The following TRIM2 variants were observed in gnomAD, a reference collection of about 807,000 sequenced individuals.
TRIM2 encodes tripartite motif-containing protein 2.
In TRIM2, 20 loss-of-function variants were observed where a neutral mutation model predicts 75.2. The ratio of observed to expected loss-of-function variants is 0.27; its 90% CI spans 0.19 to 0.39. The LOEUF is 0.39. Ranked by LOEUF, TRIM2 falls within the 10% of genes least tolerant of loss-of-function variation. The pLI, the probability that TRIM2 is intolerant of heterozygous loss-of-function variation, is 1.00. For synonymous variants in TRIM2, 373 were observed against 388.3 expected (o/e 0.96, Z 0.46); for missense variants, 660 against 990.8 (o/e 0.67, Z 4.48).
chr4:153,154,320 G>A (rs1443455237), intron 1 of TRIM2, among the ~76,000 whole-genome samples: 1 of 152,162 alleles, frequency 6.6e-6, no homozygotes, highest in African/African-American at 2.4e-5. Flanking sequence ...TGGCCTCCAC[G>A]GTCAGGGGCT....
chr4:153,244,381 CTTCTTCTTCTTCTTCT>C (rs1748206962), intron 1 of TRIM2, among the ~76,000 whole-genome samples: 1 of 67,764 alleles, frequency 1.5e-5, no homozygotes, highest in South Asian at 4.5e-4. Context: ...TCTTCTTCTT[CTTCTTCTTCTTCTTCT>C]TCTTCTTCTT....
chr4:153,156,529 G>T (rs1729246601), intron 1 of TRIM2, among the ~76,000 whole-genome samples: 2 of 152,198 alleles, frequency 1.3e-5, no homozygotes, highest in Non-Finnish European at 1.5e-5. Flanking sequence ...GATGGGGTGA[G>T]TGGGGTTCAG....
chr4:153,204,691 G>A, intron 1 of TRIM2, 131 bp downstream of exon 1: 2 of 1,185,686 alleles, frequency 1.7e-6, no homozygotes, highest in Non-Finnish European at 1.2e-6. Context: ...GAAGAGGGAA[G>A]GAAAAGACTG....
intron 1 of TRIM2, among the ~76,000 whole-genome samples, chr4:153,206,823 A>G (rs1735579366): frequency 6.6e-6 from 1 of 152,168 alleles, no homozygotes; most frequent in South Asian, 2.1e-4. Flanking sequence ...GTCGTCAATC[A>G]TCTCATTAGC....
chr4:153,263,513 A>T (rs1412849525), intron 1 of TRIM2, among the ~76,000 whole-genome samples: 1 of 152,198 alleles, frequency 6.6e-6, no homozygotes, highest in African/African-American at 2.4e-5. Flanking sequence ...CATTCAAAAG[A>T]TAATGTCTAC....
intron 1 of TRIM2, among the ~76,000 whole-genome samples, chr4:153,243,623 T>C (rs987419002): frequency 2.0e-5 from 3 of 152,204 alleles, no homozygotes; most frequent in Non-Finnish European, 4.4e-5. Flanking sequence ...GATGGAGACA[T>C]CTGTACCTGG....
intron 1 of TRIM2, among the ~76,000 whole-genome samples, chr4:153,247,076 C>G (rs1379220428): frequency 6.6e-6 from 1 of 152,186 alleles, no homozygotes; most frequent in Non-Finnish European, 1.5e-5. Context: ...GGAATCATTT[C>G]TCTTCTGATC....
At chr4:153,310,662 T>A (rs113271504) in intron 6 of TRIM2, among the ~76,000 whole-genome samples, 103 of 152,034 alleles carry the variant, frequency 6.8e-4, no homozygotes, top group African/African-American at 2.2e-3. Flanking sequence ...TAATCAATAA[T>A]CTCCAATACG....
intron 11 of TRIM2, among the ~76,000 whole-genome samples, chr4:153,331,646 T>C (rs373551917): frequency 1.3e-5 from 2 of 152,184 alleles, no homozygotes; most frequent in African/African-American, 2.4e-5. Context: ...AAAATTTATA[T>C]GGCAAGGCAA....
chr4:153,185,385 C>CT (rs1283743490), intron 1 of TRIM2, among the ~76,000 whole-genome samples: 2 of 151,750 alleles, frequency 1.3e-5, no homozygotes, highest in African/African-American at 4.8e-5. Flanking sequence ...CTGCATTGGC[C>CT]TTTTTACACC....
Position 153,248,663 on chromosome 4 carries a change from G to A in TRIM2, c.31-21672G>A, listed in dbSNP as rs116022390. On this transcript the variant is annotated intron_variant, in intron 1 of 11. Transcript: ENST00000338700. The surrounding 1 kb of genome is among the most constrained non-coding windows in gnomAD (Gnocchi z 4.0). ...AAATCCAGATATGTCTCCAGAGCCC[G>A]TGCCTTAATCGCAGATGCATTCTGA... is the stretch of plus-strand genomic sequence containing the variant. Among the ~76,000 whole-genome samples the A allele has an allele frequency of 2.0e-3, 305 of 152,362 alleles. 3 individuals carry two copies. Among genetic ancestry groups the A allele is most frequent in the Non-Finnish European group, 3.6e-3 (247 of 68,034 alleles).
In TRIM2 at chr4:153,270,497, T is replaced by A; in HGVS notation, c.193T>A (p.Cys65Ser). The A allele has an allele frequency of 6.2e-7, 1 of 1,610,794 alleles. No individual in the cohort carries two copies. The highest frequency in any genetic ancestry group is 8.5e-7 in the Non-Finnish European group (1 of 1,178,564). The change falls in exon 2 of 12, where the codon TGT (cysteine) becomes AGT (serine). Residue 65 changes from cysteine to serine, a missense_variant. This residue lies in a region of TRIM2 where 620 missense variants were observed against 891.0 expected (regional missense o/e 0.70). Transcript: ENST00000338700. ...GTACAAGAATCCCAAGGTTCTCCCCTGTCTGCACACTTTCTGCGAGAGGTA... is the reference window on the plus strand; with the variant it reads ...GTACAAGAATCCCAAGGTTCTCCCCAGTCTGCACACTTTCTGCGAGAGGTA... ...ERYKNPKVLP[C>S]LHTFCERCLQ...
At chr4:153,194,931 T>C (rs2149667199) in intron 1 of TRIM2, among the ~76,000 whole-genome samples, 1 of 152,346 alleles carries the variant, frequency 6.6e-6, no homozygotes, top group South Asian at 2.1e-4. Flanking sequence ...GAGCAACTTC[T>C]TGGGGCTTCT....
upstream of TRIM2, chr4:153,204,367 CCT>C: frequency 2.8e-6 from 2 of 717,052 alleles, no homozygotes; most frequent in Non-Finnish European, 4.9e-6. Context: ...CTCATTGTCC[CCT>C]GATACTGTAG....
At chr4:153,181,631 A>G (rs1732069801) in intron 1 of TRIM2, among the ~76,000 whole-genome samples, 2 of 152,170 alleles carry the variant, frequency 1.3e-5, no homozygotes, top group Admixed American at 1.3e-4. Context: ...TGTATGGGGC[A>G]TAGGGCTAGA....
At position 153,293,104 on chromosome 4, in the gene TRIM2, C is replaced by G. The variant is rs930227502; in HGVS notation, c.576C>G (p.Leu192=). The G allele has an allele frequency of 6.2e-7, 1 of 1,611,264 alleles. No individual in the cohort carries two copies. Among genetic ancestry groups the G allele is most frequent in the South Asian group, 1.1e-5 (1 of 90,876 alleles). The change falls in exon 4 of 12, where the codon CTC becomes CTG. Residue 192 remains leucine, a synonymous_variant. Coordinates refer to ENST00000338700, the MANE Select transcript of TRIM2 (RefSeq NM_015271.5). Reference sequence around the variant, plus strand: ...TGGTGGAACAGCACAAGGCCTCGCTCCAGGTCCAGCTGGATGCTGTCAACA... The same window carrying G: ...TGGTGGAACAGCACAAGGCCTCGCTGCAGGTCCAGCTGGATGCTGTCAACA... ...KDVVEQHKAS[L]QVQLDAVNKR... is the part of the protein sequence containing the mutation.
chr4:153,262,416 G>A (rs1753805213), intron 1 of TRIM2, among the ~76,000 whole-genome samples: 1 of 152,202 alleles, frequency 6.6e-6, no homozygotes, highest in African/African-American at 2.4e-5. Flanking sequence ...TACAAAACTT[G>A]TGGAGCCAGT....
chr4:153,176,307 G>A (rs900547224), intron 1 of TRIM2, among the ~76,000 whole-genome samples: 9 of 151,996 alleles, frequency 5.9e-5, no homozygotes, highest in African/African-American at 2.2e-4. Flanking sequence ...TAAAAAATTA[G>A]CCAAGTGCAG....
At chr4:153,251,113 A>AG (rs1342697812) in intron 1 of TRIM2, among the ~76,000 whole-genome samples, 1 of 152,208 alleles carries the variant, frequency 6.6e-6, no homozygotes, top group Non-Finnish European at 1.5e-5. Flanking sequence ...TTCTCTTTTA[A>AG]GGATGCTTAA....
Sources: allele counts gnomAD v4.1 joint callset (sites outside exome capture counted in the v4.1 genomes callset), GRCh38; gene constraint gnomAD v4.1.1; regional missense constraint gnomAD v4.1.1; non-coding constraint Gnocchi (gnomAD v3.1); transcripts MANE v1.5; gene names NCBI Gene and HGNC (gene_info 2026-07-23, HGNC 2026-07-21).